ABLIM2: variants seen among roughly 807,000 people sequenced by gnomAD.
ABLIM2 encodes actin binding LIM protein family member 2.
A neutral mutation model predicts 97.7 loss-of-function variants in ABLIM2; 53 were observed. The ratio of observed to expected loss-of-function variants is 0.54; its 90% CI spans 0.44 to 0.68. The LOEUF (loss-of-function observed/expected upper bound fraction) is 0.68, where lower values mean the gene tolerates loss of function less well. Ranked by LOEUF, ABLIM2 falls within the 30% of genes least tolerant of loss-of-function variation. ABLIM2 has a pLI of 0.00. For missense variants in ABLIM2, 835 were observed against 867.2 expected, an observed-to-expected ratio of 0.96 and a Z score of 0.47; for synonymous variants, 361 against 345.8, an observed-to-expected ratio of 1.04 and a Z score of -0.49.
intron 18 of ABLIM2, 119 bp downstream of exon 18, chr4:7,984,720 C>G: frequency 8.8e-7 from 1 of 1,140,570 alleles, no homozygotes; most frequent in Non-Finnish European, 1.2e-6. Context: ...GGTGTCCCCG[C>G]CCGGCACTCC....
chr4:8,047,014 A>G (rs1041549750), intron 8 of ABLIM2, among the ~76,000 whole-genome samples: 1 of 152,192 alleles, frequency 6.6e-6, no homozygotes, highest in African/African-American at 2.4e-5. Context: ...GGGAAGCCCC[A>G]GCTGCCTGAC....
intron 10 of ABLIM2, among the ~76,000 whole-genome samples, chr4:8,031,629 T>C (rs925437292): frequency 1.4e-4 from 21 of 152,208 alleles, no homozygotes; most frequent in Admixed American, 1.1e-3. Flanking sequence ...CCTGGAAAGG[T>C]TATGTGACTT....
Position 8,046,921 on chromosome 4 carries a change from C to T in ABLIM2, c.823-1680G>A, listed in dbSNP as rs538360123. The stretch of plus-strand genomic sequence containing the variant: ...AGGGAGAAACCACCCCAGCTAACCC[C>T]GTGATCTTGGCCTTTTGGGCTCCAG... On this transcript the variant is annotated intron_variant, in intron 8 of 20. Transcript: ENST00000447017. The surrounding 1 kb of genome is among the most constrained non-coding windows in gnomAD (Gnocchi z 4.4). Among the ~76,000 whole-genome samples, 30 of 152,284 alleles carry T rather than the reference C, an allele frequency of 2.0e-4. No individual in the cohort carries two copies. Among genetic ancestry groups the T allele is most frequent in the South Asian group, 4.1e-4 (2 of 4,822 alleles).
rs893569289 is a variant in ABLIM2 at position 8,068,436 on chromosome 4, A to G, written c.676-7382T>C. Among the ~76,000 whole-genome samples, 1 of 152,256 alleles carries G rather than the reference A, an allele frequency of 6.6e-6. No individual in the cohort carries two copies. Among genetic ancestry groups the G allele is most frequent in the East Asian group, 1.9e-4 (1 of 5,170 alleles). On this transcript the variant is annotated intron_variant, in intron 6 of 20. Coordinates refer to ENST00000447017, the MANE Select transcript of ABLIM2 (RefSeq NM_001130083.2). This position sits in a 1 kb window ranked among gnomAD's most constrained non-coding sequence, Gnocchi z 4.5. The stretch of plus-strand genomic sequence containing the variant: ...GGGCAGCGGTTTAAGGGACGTCCCC[A>G]CTGTGACGTGCAGAATAGGGCCAGC...
rs560694785 is a variant in ABLIM2, at chr4:8,154,025, T to C, written c.10+4655A>G. Among the ~76,000 whole-genome samples the C allele has an allele frequency of 8.1e-5, 12 of 148,132 alleles. No individual in the cohort carries two copies. The East Asian group carries it at 1.6e-3, about 20-fold the overall frequency. ...TCGCCCAGGCTGGAGTGCAGTGGCG[T>C]GATCTCGGCTCACTGCAAGCTCTGC... On this transcript the variant is annotated intron_variant, in intron 1 of 20. Coordinates refer to ENST00000447017, the MANE Select transcript of ABLIM2 (RefSeq NM_001130083.2).
At position 8,019,106 on chromosome 4, in the gene ABLIM2, T is replaced by C. The variant is rs2150846473; in HGVS notation, c.1423+512A>G. Among the ~76,000 whole-genome samples, 1 of 152,302 alleles carries C rather than the reference T, an allele frequency of 6.6e-6. No individual in the cohort carries two copies. The highest frequency in any genetic ancestry group is 2.1e-4 in the South Asian group (1 of 4,826). ...GAGCAGAGCTGGGCGTCAGCTCCTA[T>C]TTGCTTATGCAAGAAATCTCCGTAA... On this transcript the variant is annotated intron_variant, in intron 14 of 20. Transcript: ENST00000447017. This position sits in a 1 kb window ranked among gnomAD's most constrained non-coding sequence, Gnocchi z 4.3.
rs1775387485 is a variant in ABLIM2, at chr4:8,023,574, C to T, written c.1268-3271G>A. 1.3e-5 allele frequency among the ~76,000 whole-genome samples: 2 copies of T among 152,152 alleles called. No individual in the cohort carries two copies. The highest frequency in any genetic ancestry group is 4.1e-4 in the South Asian group (2 of 4,826). On this transcript the variant is annotated intron_variant, in intron 12 of 20. Coordinates refer to ENST00000447017, the MANE Select transcript of ABLIM2 (RefSeq NM_001130083.2). This position sits in a 1 kb window ranked among gnomAD's most constrained non-coding sequence, Gnocchi z 5.7. ...GGGTCATGCTCGTCAGCCATGGTGG[C>T]CTGCTCCACGGTGGACTTGCTCCTT...
rs1453357679 is a variant in ABLIM2 at position 8,019,802 on chromosome 4, AC to A, written c.1370-132del. 33 of 908,400 alleles carry A rather than the reference AC, an allele frequency of 3.6e-5. No individual in the cohort carries two copies. Among genetic ancestry groups the A allele is most frequent in the Admixed American group, 7.6e-5 (3 of 39,534 alleles). The allele number at this position is 908,400 out of a possible 1,614,324, so 56.3% of individuals were successfully genotyped here. A position where few individuals can be genotyped will look rare whatever the true frequency, so the allele number is the denominator to read the frequency against. The stretch of plus-strand genomic sequence containing the variant: ...TTAGAATCATCAGGCAGGAACTGGC[AC>A]CCAGCGAGCGACAGACACCCAGGCC... On this transcript the variant is annotated intron_variant, in intron 13 of 20. Transcript: ENST00000447017. The surrounding 1 kb of genome is among the most constrained non-coding windows in gnomAD (Gnocchi z 4.3).
At chr4:8,129,017 T>C (rs2152927895) in intron 1 of ABLIM2, among the ~76,000 whole-genome samples, 1 of 152,188 alleles carries the variant, frequency 6.6e-6, no homozygotes, top group South Asian at 2.1e-4. Flanking sequence ...CCACACATCC[T>C]ACCTGGCTGC....
chr4:8,121,958 C>T (rs1184214522), intron 1 of ABLIM2, among the ~76,000 whole-genome samples: 1 of 152,212 alleles, frequency 6.6e-6, no homozygotes, highest in Non-Finnish European at 1.5e-5. Flanking sequence ...CCTGCCCAGA[C>T]CTCAAGCCAG....
At chr4:7,980,938 C>CTTTTTTTTTTTTT (rs1255215577) in intron 20 of ABLIM2, among the ~76,000 whole-genome samples, 1 of 38,490 alleles carries the variant, frequency 2.6e-5, no homozygotes, top group African/African-American at 1.1e-4. Context: ...TCCACAACCC[C>CTTTTTTTTTTTTT]TTATTTTTTT....
chr4:7,967,045 T>C lies in ABLIM2; in HGVS notation c.1883A>G (p.Asp628Gly). 6.2e-7 allele frequency: 1 copy of C among 1,613,782 alleles called. No homozygotes were observed. The highest frequency in any genetic ancestry group is 8.5e-7 in the Non-Finnish European group (1 of 1,179,942). Residue 628 changes from aspartate to glycine, a missense_variant, in exon 21 of 21, where the codon GAC becomes GGC. Transcript: ENST00000447017. ...EVFGMSIEEF[D>G]RLALWKRNDL... Reference sequence around the variant, plus strand: ...ATTCCTCTTCCAGAGGGCCAGGCGGTCAAACTCCTCGATGCTCATCCCAAA... The same window carrying C: ...ATTCCTCTTCCAGAGGGCCAGGCGGCCAAACTCCTCGATGCTCATCCCAAA...
intron 14 of ABLIM2, among the ~76,000 whole-genome samples, chr4:8,013,724 G>A (rs577666994): frequency 2.0e-5 from 3 of 152,290 alleles, no homozygotes; most frequent in Non-Finnish European, 2.9e-5. Flanking sequence ...GGGCTGCATC[G>A]CCACTGACTT....
chr4:8,035,739 G>C (rs987009073), intron 10 of ABLIM2, among the ~76,000 whole-genome samples: 2 of 152,220 alleles, frequency 1.3e-5, no homozygotes, highest in African/African-American at 4.8e-5. Context: ...GAGGAGCATG[G>C]GGCAGAGCCA....
At chr4:7,982,442 G>A (rs1050320268) in intron 20 of ABLIM2, among the ~76,000 whole-genome samples, 14 of 152,222 alleles carry the variant, frequency 9.2e-5, no homozygotes, top group Non-Finnish European at 1.5e-4. Context: ...CTGGGACACC[G>A]TAGGGCGGTT....
rs142707238 is a variant in ABLIM2, at chr4:8,128,947, A to T, written c.11-22310T>A. ...ACTTCCAGCCTCCAGAACTGAGAAA[A>T]ATAAATGTCTATTATTCAGAAGCCA... On this transcript the variant is annotated intron_variant, in intron 1 of 20. Transcript: ENST00000447017. This position sits in a 1 kb window ranked among gnomAD's most constrained non-coding sequence, Gnocchi z 4.9. Among the ~76,000 whole-genome samples the T allele has an allele frequency of 1.2e-4, 19 of 152,124 alleles. No individual in the cohort carries two copies. The highest frequency in any genetic ancestry group is 3.9e-4 in the African/African-American group (16 of 41,538).
Position 8,004,160 on chromosome 4 carries a change from TC to T in ABLIM2, c.1618+3898del. 6.6e-6 allele frequency among the ~76,000 whole-genome samples: 1 copy of T among 150,628 alleles called. No homozygotes were observed. The highest frequency in any genetic ancestry group is 2.1e-4 in the South Asian group (1 of 4,718). The stretch of plus-strand genomic sequence containing the variant: ...CAGCAGGGTCGCTGTCTCCTAACCC[TC>T]CCTCCCAACGGGCTCCGAGACCAGG... On this transcript the variant is annotated intron_variant, in intron 16 of 20. Transcript: ENST00000447017. This position sits in a 1 kb window ranked among gnomAD's most constrained non-coding sequence, Gnocchi z 5.9.
chr4:8,145,686 G>GA (rs1851670837), intron 1 of ABLIM2, among the ~76,000 whole-genome samples: 1 of 151,530 alleles, frequency 6.6e-6, no homozygotes, highest in South Asian at 2.1e-4. Flanking sequence ...TTTTGCTCCA[G>GA]AGCAGAACTC....
intron 10 of ABLIM2, among the ~76,000 whole-genome samples, chr4:8,030,046 C>T (rs992982438): frequency 1.3e-5 from 2 of 152,156 alleles, no homozygotes; most frequent in African/African-American, 4.8e-5. Context: ...CCCCATCTTC[C>T]CCTCCTGCCG....
Sources: gnomAD v4.1 joint callset for allele counts (sites outside exome capture counted in the v4.1 genomes callset) on GRCh38, gnomAD v4.1.1 for gene constraint, Gnocchi (gnomAD v3.1) non-coding constraint, MANE v1.5 for transcripts, NCBI Gene and HGNC (gene_info 2026-07-23, HGNC 2026-07-21) for gene names.